Variants in CNTN4 observed in about 807,000 individuals in gnomAD.
CNTN4 encodes the protein contactin-4.
A neutral mutation model predicts 122.5 loss-of-function variants in CNTN4; 77 were observed. The observed-to-expected ratio is 0.63, with a 90% confidence interval of 0.52 to 0.76. The LOEUF (loss-of-function observed/expected upper bound fraction) is 0.76. Ranked by LOEUF, CNTN4 falls within the 30% of genes least tolerant of loss-of-function variation. The probability of loss-of-function intolerance (pLI) is 0.00; values close to 1 mark genes in which losing one functional copy is unlikely to be tolerated. For missense variants in CNTN4, 1,256 were observed against 1,259.1 expected (o/e 1.00, Z 0.04); for synonymous variants, 512 against 447.0 (o/e 1.15, Z -1.83).
chr3:2,783,432 G>T (rs1462002797), intron 6 of CNTN4, among the ~76,000 whole-genome samples: 1 of 152,212 alleles, frequency 6.6e-6, no homozygotes, highest in Non-Finnish European at 1.5e-5. Context: ...TGTTTTCACA[G>T]GGTGTCTCTC....
intron 4 of CNTN4, among the ~76,000 whole-genome samples, chr3:2,672,363 C>T (rs988458414): frequency 2.0e-5 from 3 of 152,214 alleles, no homozygotes; most frequent in African/African-American, 7.2e-5. Flanking sequence ...TGATCTCAGA[C>T]TGCCGTGCTA....
chr3:2,860,928 A>G (rs975121540), intron 7 of CNTN4, among the ~76,000 whole-genome samples: 1 of 152,210 alleles, frequency 6.6e-6, no homozygotes, highest in Non-Finnish European at 1.5e-5. Context: ...AGTTCCTGGT[A>G]TAATTCTTAC....
chr3:2,376,239 C>T (rs1045695031), intron 3 of CNTN4, among the ~76,000 whole-genome samples: 2 of 152,168 alleles, frequency 1.3e-5, no homozygotes, highest in South Asian at 2.1e-4. Flanking sequence ...TGCACTTCTC[C>T]TTTAACAGTT....
chr3:2,531,921 A>G (rs2077611853), intron 3 of CNTN4, among the ~76,000 whole-genome samples: 1 of 152,172 alleles, frequency 6.6e-6, no homozygotes, highest in Admixed American at 6.6e-5. Flanking sequence ...TTGATCTTGT[A>G]AGAGAAAATT....
chr3:2,656,861 G>A (rs1028031757), intron 4 of CNTN4, among the ~76,000 whole-genome samples: 6 of 152,200 alleles, frequency 3.9e-5, no homozygotes, highest in Non-Finnish European at 8.8e-5. Flanking sequence ...AGGACTGCCA[G>A]TTTCATCTAA....
chr3:3,024,402 A>AAC (rs1698556378), intron 14 of CNTN4, among the ~76,000 whole-genome samples: 1 of 150,082 alleles, frequency 6.7e-6, no homozygotes, highest in Non-Finnish European at 1.5e-5. Flanking sequence ...AAAAAAAAAA[A>AAC]AAAAAACAAC....
intron 3 of CNTN4, among the ~76,000 whole-genome samples, chr3:2,401,307 G>T (rs1177910163): frequency 2.0e-5 from 3 of 152,084 alleles, no homozygotes; most frequent in Non-Finnish European, 1.5e-5. Context: ...GTCAGACCCA[G>T]AAATCAGGTC....
intron 2 of CNTN4, among the ~76,000 whole-genome samples, chr3:2,253,663 A>T (rs2040462553): frequency 6.6e-6 from 1 of 150,466 alleles, no homozygotes; most frequent in Non-Finnish European, 1.5e-5. Flanking sequence ...TTTTATTGAG[A>T]CAGAGTCGCA....
At chr3:2,732,348 G>C (rs1202148986) in intron 4 of CNTN4, among the ~76,000 whole-genome samples, 1 of 152,162 alleles carries the variant, frequency 6.6e-6, no homozygotes, top group Non-Finnish European at 1.5e-5. Context: ...GATAAAACAA[G>C]CATGGCATGA....
intron 4 of CNTN4, among the ~76,000 whole-genome samples, chr3:2,585,140 G>A (rs2080129171): frequency 6.6e-6 from 1 of 152,042 alleles, no homozygotes; most frequent in East Asian, 1.9e-4. Flanking sequence ...AAAGTCCTAA[G>A]CAAATTTTTC....
chr3:2,587,845 A>G (rs924019736), intron 4 of CNTN4, among the ~76,000 whole-genome samples: 1 of 151,374 alleles, frequency 6.6e-6, no homozygotes, highest in African/African-American at 2.4e-5. Flanking sequence ...TTCTTGGTGT[A>G]ATTGTAATAG....
At chr3:2,917,192 T>G (rs965441630) in intron 12 of CNTN4, among the ~76,000 whole-genome samples, 2 of 150,842 alleles carry the variant, frequency 1.3e-5, no homozygotes, top group Non-Finnish European at 2.9e-5. Context: ...TCGCAGGCAG[T>G]CGGCAGGCTG....
chr3:2,437,994 T>A (rs796982183), intron 3 of CNTN4, among the ~76,000 whole-genome samples: 1 of 152,216 alleles, frequency 6.6e-6, no homozygotes, highest in South Asian at 2.1e-4. Flanking sequence ...TACTGCATTA[T>A]ATTTTAAGCC....
intron 3 of CNTN4, among the ~76,000 whole-genome samples, chr3:2,564,551 T>A (rs2079079070): frequency 6.6e-6 from 1 of 152,150 alleles, no homozygotes; most frequent in East Asian, 1.9e-4. Flanking sequence ...ATAATGTAAT[T>A]CAAAGTTTCA....
intron 3 of CNTN4, among the ~76,000 whole-genome samples, chr3:2,565,700 T>C (rs1355948571): frequency 1.3e-5 from 2 of 152,198 alleles, no homozygotes; most frequent in Admixed American, 6.5e-5. Context: ...TGATTGAACA[T>C]TAAGATTTTA....
intron 2 of CNTN4, among the ~76,000 whole-genome samples, chr3:2,187,193 C>T (rs1014812292): frequency 1.4e-4 from 21 of 152,188 alleles, no homozygotes; most frequent in Admixed American, 6.5e-4. Context: ...GAATCCTTTC[C>T]GCATTTCTTG....
chr3:2,127,169 C>G (rs765351832), intron 2 of CNTN4, among the ~76,000 whole-genome samples: 3 of 152,128 alleles, frequency 2.0e-5, no homozygotes, highest in Non-Finnish European at 4.4e-5. Context: ...GGGCAGTGCC[C>G]TTGCTGGAGT....
chr3:2,751,289 CAG>C (rs1336163615), intron 6 of CNTN4, among the ~76,000 whole-genome samples: 3 of 151,976 alleles, frequency 2.0e-5, no homozygotes, highest in African/African-American at 7.2e-5. Context: ...GCCTGGGCGA[CAG>C]AGAGAGACTC....
chr3:2,677,486 C>CTA (rs1559377825), intron 4 of CNTN4, among the ~76,000 whole-genome samples: 3,232 of 54,714 alleles, frequency 0.059, 25 homozygotes, highest in East Asian at 0.094. Context: ...CCATCTATAT[C>CTA]TATCTATCTA....
Sources: gnomAD v4.1 joint callset for allele counts (sites outside exome capture counted in the v4.1 genomes callset) on GRCh38, gnomAD v4.1.1 for gene constraint, MANE v1.5 for transcripts, NCBI Gene and HGNC (gene_info 2026-07-23, HGNC 2026-07-21) for gene names.